NDUFS3: variants seen among roughly 807,000 people sequenced by gnomAD.
NDUFS3 encodes the protein NADH:ubiquinone oxidoreductase core subunit S3.
In NDUFS3, 19 loss-of-function variants were observed where a neutral mutation model predicts 30.8. That is an observed-to-expected ratio of 0.62 (90% CI 0.43 to 0.91). The LOEUF is 0.91. Among genes scored for constraint, NDUFS3 ranks in the 40% least tolerant of loss-of-function variants. The pLI, the probability that NDUFS3 is intolerant of heterozygous loss-of-function variation, is 0.00. For missense variants in NDUFS3, 331 were observed against 342.0 expected, an observed-to-expected ratio of 0.97 and a Z score of 0.25; for synonymous variants, 153 against 135.8, an observed-to-expected ratio of 1.13 and a Z score of -0.88.
At chr11:47,580,228 C>A (rs1166102805) in intron 2 of NDUFS3, among the ~76,000 whole-genome samples, 1 of 152,220 alleles carries the variant, frequency 6.6e-6, no homozygotes, top group Non-Finnish European at 1.5e-5. Flanking sequence ...ACTGAGACTA[C>A]TGCTTTAGCA....
At chr11:47,582,590 G>A in intron 6 of NDUFS3, 122 bp downstream of exon 6, 1 of 1,483,186 alleles carries the variant, frequency 6.7e-7, no homozygotes, top group Non-Finnish European at 9.3e-7. Flanking sequence ...ATGGGCCCTG[G>A]ATTCAGATCC....
chr11:47,579,504 C>T, intron 2 of NDUFS3, 170 bp downstream of exon 2: 1 of 741,510 alleles, frequency 1.3e-6, no homozygotes, highest in Non-Finnish European at 2.3e-6. Context: ...GCCCTTAGGC[C>T]TGTTATGGCC....
rs1565939987 is a variant in NDUFS3, at chr11:47,579,286, G to A, written c.85G>A (p.Val29Ile). ...CTGTGCAGGGACTGGGCGACCCTCC[G>A]TTCTGTTGCTGCCGGTGAGGCGGGA... Reference protein sequence around the residue: ...ALTRGTGRPSVLLLPVRRESA... With the variant: ...ALTRGTGRPSILLLPVRRESA... The change falls in exon 2 of 7, where the codon GTT becomes ATT. Residue 29 changes from valine (V) to isoleucine (I), a missense_variant. By Grantham distance (29) the Val-to-Ile change is conservative. Transcript: ENST00000263774. 1 of 1,614,200 alleles carries A rather than the reference G, an allele frequency of 6.2e-7. No homozygotes were observed. Among genetic ancestry groups the A allele is most frequent in the Non-Finnish European group, 8.5e-7 (1 of 1,180,038 alleles).
At position 47,580,633 on chromosome 11, in the gene NDUFS3, C is replaced by T; in HGVS notation, c.231+11C>T. 1.2e-6 allele frequency: 2 copies of T among 1,612,830 alleles called. No homozygotes were observed. The highest frequency in any genetic ancestry group is 1.7e-4 in the Middle Eastern group (1 of 6,060). ...GTCCAACAAGTTCAGGTAATACTTACTAATGTTATTTGGGTCTGGGTCAAG... is the reference window on the plus strand; with the variant it reads ...GTCCAACAAGTTCAGGTAATACTTATTAATGTTATTTGGGTCTGGGTCAAG... On this transcript the variant is annotated intron_variant, in intron 3 of 6. Coordinates refer to ENST00000263774, the MANE Select transcript of NDUFS3 (RefSeq NM_004551.3).
Position 47,582,552 on chromosome 11 carries a change from G to C in NDUFS3, c.627+84G>C. The C allele has an allele frequency of 5.6e-6, 9 of 1,600,878 alleles. No homozygotes were observed. In the South Asian group the frequency reaches 7.7e-5, roughly 14 times the overall value. ...GATCCCTGGGAATGGCAAGAAATAC[G>C]GTCTGTGGATTGTGGTGGTTTAAGA... On this transcript the variant is annotated intron_variant, in intron 6 of 6. Transcript: ENST00000263774.
chr11:47,581,754 G>A lies in NDUFS3; in HGVS notation c.382-334G>A, dbSNP rs1486471491. ...ACATATAATACAAAGGATATTAGAGGGATGCTTTAAGAAAGCAGGAGGGGC... is the reference window on the plus strand; with the variant it reads ...ACATATAATACAAAGGATATTAGAGAGATGCTTTAAGAAAGCAGGAGGGGC... On this transcript the variant is annotated intron_variant, in intron 4 of 6. Coordinates refer to ENST00000263774, the MANE Select transcript of NDUFS3 (RefSeq NM_004551.3). 7 of 381,426 alleles carry A rather than the reference G, an allele frequency of 1.8e-5. No homozygotes were observed. In the East Asian group the frequency reaches 2.7e-4, roughly 14 times the overall value. The allele number at this position is 381,426 out of a possible 1,614,324, so 23.6% of individuals were successfully genotyped here. A position where few individuals can be genotyped will look rare whatever the true frequency, so the allele number is the denominator to read the frequency against.
rs1365486216 is a variant in NDUFS3, at chr11:47,584,425, C to G, written c.739C>G (p.Gln247Glu). 6.2e-7 allele frequency: 1 copy of G among 1,614,116 alleles called. No homozygotes were observed. Among genetic ancestry groups the G allele is most frequent in the Admixed American group, 1.7e-5 (1 of 60,006 alleles). ...CTGGGAGGCTTTCCCAGTCTATCGC[C>G]AACCCCCGGAGAGTCTCAAGCTTGA... ...SPWEAFPVYR[Q>E]PPESLKLEAG... is the part of the protein sequence containing the mutation. The change falls in exon 7 of 7, where the codon CAA becomes GAA. Residue 247 changes from glutamine (Q) to glutamate (E), a missense_variant. By Grantham distance (29) the Gln-to-Glu change is conservative. Coordinates refer to ENST00000263774, the MANE Select transcript of NDUFS3 (RefSeq NM_004551.3).
In NDUFS3 at chr11:47,584,381, A is replaced by T. The variant is rs749217797; in HGVS notation, c.695A>T (p.Lys232Ile). The change falls in exon 7 of 7, where the codon AAA (lysine) becomes ATA (isoleucine). Residue 232 changes from lysine to isoleucine, a missense_variant. Transcript: ENST00000263774. Reference sequence around the variant, plus strand: ...GTGGAGTTGGCCCAAGAGTTCCGCAAATTTGACCTGAACAGCCCCTGGGAG... The same window carrying T: ...GTGGAGTTGGCCCAAGAGTTCCGCATATTTGACCTGAACAGCCCCTGGGAG... ...EPVELAQEFR[K>I]FDLNSPWEAF... 6.2e-7 allele frequency: 1 copy of T among 1,614,112 alleles called. No individual in the cohort carries two copies.
rs146246706 is a variant in NDUFS3 at position 47,582,453 on chromosome 11, A to G, written c.612A>G (p.Leu204=). ...EGHPFRKDFP[L]SGYVELRYDD... Reference sequence around the variant, plus strand: ...ATCCTTTCCGGAAAGACTTTCCTCTATCTGGCTATGTTGAGGTAGGAGCCT... The same window carrying G: ...ATCCTTTCCGGAAAGACTTTCCTCTGTCTGGCTATGTTGAGGTAGGAGCCT... The change falls in exon 6 of 7, where the codon CTA becomes CTG. Residue 204 remains leucine (L), a synonymous_variant. Coordinates refer to ENST00000263774, the MANE Select transcript of NDUFS3 (RefSeq NM_004551.3). 8.1e-6 allele frequency: 13 copies of G among 1,614,172 alleles called. No homozygotes were observed. The East Asian group carries it at 8.9e-5, about 11-fold the overall frequency.
At position 47,582,344 on chromosome 11, in the gene NDUFS3, C is replaced by T; in HGVS notation, c.508-5C>T. On this transcript the variant is annotated splice_polypyrimidine_tract_variant and splice_region_variant and intron_variant, in intron 5 of 6. Coordinates refer to ENST00000263774, the MANE Select transcript of NDUFS3 (RefSeq NM_004551.3). Reference sequence around the variant, plus strand: ...ATTGGCTGTTTGAGGTGGTCTCTTTCCTAGATCTGGGACATGTTTGGAGTC... The same window carrying T: ...ATTGGCTGTTTGAGGTGGTCTCTTTTCTAGATCTGGGACATGTTTGGAGTC... 2.5e-6 allele frequency: 4 copies of T among 1,614,202 alleles called. No individual in the cohort carries two copies. The highest frequency in any genetic ancestry group is 3.4e-6 in the Non-Finnish European group (4 of 1,180,038).
chr11:47,582,638 T>G (rs1325249486), intron 6 of NDUFS3, among the ~76,000 whole-genome samples, 170 bp downstream of exon 6: 1 of 152,216 alleles, frequency 6.6e-6, no homozygotes, highest in African/African-American at 2.4e-5. Flanking sequence ...GTTACTTGGT[T>G]TGACTGTAAC....
At position 47,581,983 on chromosome 11, in the gene NDUFS3, A is replaced by C. The variant is rs962969972; in HGVS notation, c.382-105A>C. On this transcript the variant is annotated intron_variant, in intron 4 of 6. Coordinates refer to ENST00000263774, the MANE Select transcript of NDUFS3 (RefSeq NM_004551.3). ...TTGGAAGTAGTTGTAAGCATAGGAG[A>C]ATCTTGAGGTTTTGAGGTTCAGAAT... 11 of 1,462,904 alleles carry C rather than the reference A, an allele frequency of 7.5e-6. No homozygotes were observed. The African/African-American group carries it at 1.5e-4, about 20-fold the overall frequency. 90.6% of individuals were successfully genotyped at this position (1,462,904 alleles called of 1,614,324 possible). A position where few individuals can be genotyped will look rare whatever the true frequency, so the allele number is the denominator to read the frequency against.
intron 2 of NDUFS3, 78 bp downstream of exon 2, chr11:47,579,412 C>A: frequency 1.3e-6 from 2 of 1,561,732 alleles, no homozygotes; most frequent in South Asian, 2.2e-5. Context: ...CTAGGATGCC[C>A]TTCCCTACGT....
chr11:47,579,236 C>T (rs1024887602), intron 1 of NDUFS3, 33 bp from the exon 2 acceptor site: 5 of 1,614,152 alleles, frequency 3.1e-6, no homozygotes, highest in Non-Finnish European at 4.2e-6. Flanking sequence ...AGGGCTCATC[C>T]CGCGCGTCTG....
intron 4 of NDUFS3, chr11:47,581,357 A>T: frequency 3.2e-6 from 1 of 313,128 alleles, no homozygotes; most frequent in Non-Finnish European, 6.2e-6. Context: ...GGGTTTCACC[A>T]TGTTGGCCAG....
Position 47,580,898 on chromosome 11 carries a change from T to C in NDUFS3, c.295T>C (p.Phe99Leu). 6.2e-7 allele frequency: 1 copy of C among 1,614,204 alleles called. No individual in the cohort carries two copies. The highest frequency in any genetic ancestry group is 8.5e-7 in the Non-Finnish European group (1 of 1,180,036). ...HPDGVIPVLT[F>L]LRDHTNAQFK... is the part of the protein sequence containing the mutation. ...TGATGGCGTCATCCCAGTGCTGACT[T>C]TCCTCAGGGATCACACCAATGCACA... Residue 99 changes from phenylalanine (F) to leucine (L), a missense_variant, in exon 4 of 7, where the codon TTC becomes CTC. Physicochemically the swap from Phe to Leu is conservative, Grantham distance 22 (BLOSUM62 0). Transcript: ENST00000263774.
At chr11:47,583,708 A>G (rs1200033351) in intron 6 of NDUFS3, among the ~76,000 whole-genome samples, 3 of 151,778 alleles carry the variant, frequency 2.0e-5, no homozygotes, top group East Asian at 1.9e-4. Flanking sequence ...GCATGCTCCT[A>G]TTTCCCTCTT....
Position 47,579,348 on chromosome 11 carries a change from G to T in NDUFS3, c.133+14G>T. 1 of 1,613,308 alleles carries T rather than the reference G, an allele frequency of 6.2e-7. No homozygotes were observed. The highest frequency in any genetic ancestry group is 1.1e-5 in the South Asian group (1 of 91,070). On this transcript the variant is annotated intron_variant, in intron 2 of 6. Coordinates refer to ENST00000263774, the MANE Select transcript of NDUFS3 (RefSeq NM_004551.3). The stretch of plus-strand genomic sequence containing the variant: ...CCGACACGCGCCGTGAGTATGTGCG[G>T]GCAGCGCTCTTCTCTGAACTATCGG...
At chr11:47,579,875 C>T (rs1311042189) in intron 2 of NDUFS3, among the ~76,000 whole-genome samples, 1 of 152,140 alleles carries the variant, frequency 6.6e-6, no homozygotes, top group African/African-American at 2.4e-5. Flanking sequence ...TGTGATTGCT[C>T]AGTGGTTTAG....
Sources: allele counts gnomAD v4.1 joint callset (sites outside exome capture counted in the v4.1 genomes callset), GRCh38; gene constraint gnomAD v4.1.1; transcripts MANE v1.5; gene names NCBI Gene and HGNC (gene_info 2026-07-23, HGNC 2026-07-21).